PCDH15: variants seen among roughly 807,000 people sequenced by gnomAD.
PCDH15 encodes the protein protocadherin related 15.
In PCDH15, 129 loss-of-function variants were observed where a neutral mutation model predicts 178.5. The ratio of observed to expected loss-of-function variants is 0.72; its 90% CI spans 0.63 to 0.84. PCDH15 has a LOEUF of 0.84. Among genes scored for constraint, PCDH15 ranks in the 40% least tolerant of loss-of-function variants. The probability of loss-of-function intolerance (pLI) is 0.00; values close to 1 mark genes in which losing one functional copy is unlikely to be tolerated. For synonymous variants in PCDH15, 800 were observed against 732.0 expected (o/e 1.09, Z -1.50); for missense variants, 2,230 against 2,099.9 (o/e 1.06, Z -1.21).
At chr10:54,646,089 C>T (rs2094124956) in intron 2 of PCDH15, among the ~76,000 whole-genome samples, 1 of 149,814 alleles carries the variant, frequency 6.7e-6, no homozygotes. Flanking sequence ...CATGTTAATC[C>T]TCTGTTTCTC....
At chr10:55,441,582 C>A (rs1839186250) in intron 2 of PCDH15, among the ~76,000 whole-genome samples, 1 of 152,136 alleles carries the variant, frequency 6.6e-6, no homozygotes, top group Admixed American at 6.5e-5. Flanking sequence ...AGACCTCTTT[C>A]CTACCCACAC....
chr10:55,267,679 A>G (rs1842335935), intron 1 of PCDH15, among the ~76,000 whole-genome samples: 1 of 152,216 alleles, frequency 6.6e-6, no homozygotes, highest in South Asian at 2.1e-4. Flanking sequence ...AAAAAATGTC[A>G]AACAATATGT....
chr10:54,317,486 G>A (rs1304971468), intron 7 of PCDH15, 45 bp from the exon 8 acceptor site: 15 of 1,605,510 alleles, frequency 9.3e-6, no homozygotes, highest in Non-Finnish European at 1.3e-5. Flanking sequence ...TAGAAATTAG[G>A]CACAATAGCC....
intron 6 of PCDH15, among the ~76,000 whole-genome samples, chr10:54,344,923 AAAAC>A (rs1471050569): frequency 2.0e-5 from 3 of 147,530 alleles, no homozygotes; most frequent in South Asian, 2.1e-4. Context: ...AAAAAAAAAA[AAAAC>A]AAGACTCTAA....
At chr10:55,243,401 A>G (rs1592015544) in intron 1 of PCDH15, among the ~76,000 whole-genome samples, 1 of 152,232 alleles carries the variant, frequency 6.6e-6, no homozygotes, top group East Asian at 1.9e-4. Context: ...CCAATTTGCT[A>G]CTTAGAAAGA....
intron 2 of PCDH15, among the ~76,000 whole-genome samples, chr10:55,143,973 T>C (rs900946434): frequency 6.6e-6 from 1 of 150,958 alleles, no homozygotes; most frequent in South Asian, 2.1e-4. Context: ...AAATTTTCAT[T>C]AGGACCTAGA....
At chr10:54,500,866 A>G (rs1055284880) in intron 3 of PCDH15, among the ~76,000 whole-genome samples, 2 of 152,090 alleles carry the variant, frequency 1.3e-5, no homozygotes, top group African/African-American at 4.8e-5. Flanking sequence ...AGACTGGATA[A>G]AGAAAATGTG....
intron 2 of PCDH15, among the ~76,000 whole-genome samples, chr10:55,420,608 C>T (rs1272621249): frequency 6.6e-6 from 1 of 151,576 alleles, no homozygotes; most frequent in East Asian, 1.9e-4. Context: ...TAGACTGGAG[C>T]ATGGGGAACA....
At chr10:53,867,512 T>G (rs922776948) in intron 26 of PCDH15, among the ~76,000 whole-genome samples, 6 of 152,090 alleles carry the variant, frequency 3.9e-5, no homozygotes, top group Admixed American at 2.0e-4. Context: ...CTATTATTAT[T>G]TGTCAATTTT....
At chr10:54,662,805 G>C (rs1343002950) in intron 2 of PCDH15, among the ~76,000 whole-genome samples, 2 of 151,930 alleles carry the variant, frequency 1.3e-5, no homozygotes, top group Non-Finnish European at 2.9e-5. Flanking sequence ...CCAATACATT[G>C]ATTTCCAATC....
intron 3 of PCDH15, among the ~76,000 whole-genome samples, chr10:54,811,298 T>C (rs989105138): frequency 2.0e-5 from 3 of 152,030 alleles, no homozygotes; most frequent in Non-Finnish European, 4.4e-5. Context: ...AAAACACATA[T>C]AGATTCTCCA....
Position 55,463,971 on chromosome 10 carries a change from AAGAGAAAGAAAGAAAGAAAG to A in PCDH15, c.-156+163634_-156+163653del, listed in dbSNP as rs1565165733. ...AAAGAAAGAAAGAAAGAAAGAAAGA[AAGAGAAAGAAAGAAAGAAAG>A]AGAAAGAAAGAAAGAAAGAAAGAAA... On this transcript the variant is annotated intron_variant, in intron 2 of 5. Coordinates refer to the PCDH15 transcript ENST00000613346. Among the ~76,000 whole-genome samples, 42 of 20,180 alleles carry A rather than the reference AAGAGAAAGAAAGAAAGAAAG, an allele frequency of 2.1e-3. 6 individuals are homozygous for A. The highest frequency in any genetic ancestry group is 0.017 in the African/African-American group (39 of 2,268). The allele number at this position is 20,180 out of a possible 152,430, so 13.2% of individuals were successfully genotyped here.
chr10:54,214,252 ATGTT>A lies in PCDH15; in HGVS notation c.986-208_986-205del, dbSNP rs35744658. Among the ~76,000 whole-genome samples the A allele has an allele frequency of 0.69, 105,224 of 151,608 alleles. 37,652 individuals carry two copies. The highest frequency in any genetic ancestry group is 0.78 in the African/African-American group (32,229 of 41,352). On this transcript the variant is annotated intron_variant, in intron 9 of 37. Coordinates refer to ENST00000644397, the MANE Select transcript of PCDH15 (RefSeq NM_001384140.1). ...TAGCATATCAGTAAGAAAATGGAAAATGTTTGGATGATTTTTGAAATTTTTTTTA... is the reference window on the plus strand; with the variant it reads ...TAGCATATCAGTAAGAAAATGGAAAATGGATGATTTTTGAAATTTTTTTTA...
intron 3 of PCDH15, among the ~76,000 whole-genome samples, chr10:54,868,311 C>A (rs2131790176): frequency 1.3e-5 from 2 of 152,274 alleles, no homozygotes; most frequent in South Asian, 4.1e-4. Flanking sequence ...GGTCTATCTG[C>A]AGACATCAGT....
At chr10:55,012,754 A>G (rs898091522) in intron 2 of PCDH15, among the ~76,000 whole-genome samples, 2 of 152,036 alleles carry the variant, frequency 1.3e-5, no homozygotes, top group African/African-American at 4.8e-5. Flanking sequence ...CTTAACGACC[A>G]TTACATTTTA....
At chr10:54,707,170 T>C (rs1419480523) in intron 1 of PCDH15, among the ~76,000 whole-genome samples, 1 of 152,060 alleles carries the variant, frequency 6.6e-6, no homozygotes, top group East Asian at 1.9e-4. Context: ...TAGAGTAAAT[T>C]GAGGTGGTAG....
intron 2 of PCDH15, among the ~76,000 whole-genome samples, chr10:54,902,340 G>C (rs1251576989): frequency 6.6e-6 from 1 of 152,140 alleles, no homozygotes; most frequent in African/African-American, 2.4e-5. Flanking sequence ...CCTCAATGCT[G>C]GGGGAGGAGG....
chr10:54,344,250 ATTAT>A (rs1287149299), intron 6 of PCDH15, among the ~76,000 whole-genome samples: 1 of 152,088 alleles, frequency 6.6e-6, no homozygotes, highest in Non-Finnish European at 1.5e-5. Flanking sequence ...TAAAACATAT[ATTAT>A]TTATTTTTCT....
At chr10:54,556,965 C>G (rs559820211) in intron 2 of PCDH15, among the ~76,000 whole-genome samples, 47 of 151,908 alleles carry the variant, frequency 3.1e-4, no homozygotes, top group Admixed American at 2.1e-3. Flanking sequence ...GATCTTTTTA[C>G]CAATTTGTGC....
Sources: gnomAD v4.1 joint callset for allele counts (sites outside exome capture counted in the v4.1 genomes callset) on GRCh38, gnomAD v4.1.1 for gene constraint, MANE v1.5 for transcripts, NCBI Gene and HGNC (gene_info 2026-07-23, HGNC 2026-07-21) for gene names.